The following LIN9 variants were observed in gnomAD, a reference collection of about 807,000 sequenced individuals.
LIN9 encodes the protein lin-9 DREAM MuvB core complex component, also known as protein lin-9 homolog.
LIN9 carries 18 observed loss-of-function variants against 78.0 expected under a neutral mutation model. The observed-to-expected ratio is 0.23, with a 90% CI of 0.16 to 0.34. The LOEUF is 0.34. Ranked by LOEUF, LIN9 falls within the 10% of genes least tolerant of loss-of-function variation. The pLI is 1.00. For missense variants in LIN9, 451 were observed against 644.1 expected, an observed-to-expected ratio of 0.70 and a Z score of 3.25; for synonymous variants, 192 against 215.2, an observed-to-expected ratio of 0.89 and a Z score of 0.94.
chr1:226,261,232 C>A (rs191496203), intron 10 of LIN9, among the ~76,000 whole-genome samples: 9 of 151,746 alleles, frequency 5.9e-5, no homozygotes, highest in African/African-American at 1.9e-4. Context: ...AGGAAGAAGG[C>A]AACAATGTCC....
chr1:226,287,852 T>C (rs1661470449), intron 4 of LIN9, 55 bp from the exon 5 acceptor site: 3 of 1,285,752 alleles, frequency 2.3e-6, no homozygotes, highest in South Asian at 1.4e-5. Context: ...AAAATGAACA[T>C]TTATAACCCT....
chr1:226,298,367 C>T (rs1662289680), intron 2 of LIN9, among the ~76,000 whole-genome samples: 1 of 152,134 alleles, frequency 6.6e-6, no homozygotes. Context: ...GCCACCACGC[C>T]TAGCTAATTT....
At chr1:226,289,385 G>A (rs972504750) in intron 4 of LIN9, among the ~76,000 whole-genome samples, 1 of 152,104 alleles carries the variant, frequency 6.6e-6, no homozygotes, top group African/African-American at 2.4e-5. Flanking sequence ...TTTTGAGACA[G>A]GGTCTCTCTC....
At chr1:226,285,718 T>A (rs1661348204) in intron 6 of LIN9, among the ~76,000 whole-genome samples, 1 of 152,172 alleles carries the variant, frequency 6.6e-6, no homozygotes, top group Admixed American at 6.5e-5. Flanking sequence ...TTAGATAGAT[T>A]AATTTGTTTT....
intron 11 of LIN9, among the ~76,000 whole-genome samples, chr1:226,239,726 T>C (rs973342570): frequency 3.9e-4 from 60 of 152,188 alleles, no homozygotes; most frequent in African/African-American, 1.3e-3. Context: ...ACATAGAAGA[T>C]GCTCAATGGA....
At chr1:226,292,615 G>A (rs1320052075) in intron 4 of LIN9, among the ~76,000 whole-genome samples, 1 of 151,730 alleles carries the variant, frequency 6.6e-6, no homozygotes, top group Non-Finnish European at 1.5e-5. Context: ...CACCATGCCT[G>A]GCTAATTTTT....
upstream of LIN9, chr1:226,309,175 C>G: frequency 7.1e-7 from 1 of 1,409,326 alleles, no homozygotes; most frequent in Non-Finnish European, 9.3e-7. Flanking sequence ...AAAGGCTGCC[C>G]GCCGCGGTGC....
chr1:226,252,922 C>A (rs1356526885), intron 10 of LIN9, among the ~76,000 whole-genome samples: 2 of 151,606 alleles, frequency 1.3e-5, no homozygotes, highest in African/African-American at 2.4e-5. Flanking sequence ...AGCAAAGTGG[C>A]GCCACTGAAC....
chr1:226,288,569 A>G (rs1661520468), intron 4 of LIN9, among the ~76,000 whole-genome samples: 2 of 152,368 alleles, frequency 1.3e-5, no homozygotes, highest in African/African-American at 4.8e-5. Flanking sequence ...TGAAATGGGT[A>G]AATACAAAGT....
intron 10 of LIN9, among the ~76,000 whole-genome samples, chr1:226,257,573 T>C (rs990992566): frequency 1.3e-5 from 2 of 152,136 alleles, no homozygotes; most frequent in Non-Finnish European, 2.9e-5. Flanking sequence ...CCCATGAAGC[T>C]GTACAGTGTT....
At chr1:226,296,174 G>A (rs1035510689) in intron 3 of LIN9, among the ~76,000 whole-genome samples, 1 of 152,210 alleles carries the variant, frequency 6.6e-6, no homozygotes, top group African/African-American at 2.4e-5. Context: ...CCTAGCTGAT[G>A]AATAAAGTAA....
intron 7 of LIN9, 25 bp downstream of exon 7, chr1:226,277,750 G>A: frequency 1.3e-6 from 2 of 1,592,820 alleles, no homozygotes; most frequent in African/African-American, 1.3e-5. Flanking sequence ...CAAGTCAAAA[G>A]AGTAATTAGC....
chr1:226,246,206 A>G (rs1044924313), intron 11 of LIN9, among the ~76,000 whole-genome samples: 1 of 152,162 alleles, frequency 6.6e-6, no homozygotes, highest in African/African-American at 2.4e-5. Flanking sequence ...ATTTCCTTTA[A>G]TGTAGGTATT....
intron 7 of LIN9, among the ~76,000 whole-genome samples, chr1:226,274,063 C>A (rs975482265): frequency 6.6e-6 from 1 of 151,884 alleles, no homozygotes; most frequent in Admixed American, 6.6e-5. Flanking sequence ...CAACTCCTGG[C>A]CTCAAGTGAT....
chr1:226,278,832 AAAAG>A (rs1335728725), intron 6 of LIN9, among the ~76,000 whole-genome samples: 1 of 138,978 alleles, frequency 7.2e-6, no homozygotes. Flanking sequence ...TCAAAAAAAA[AAAAG>A]AAAGGCCGGG....
chr1:226,294,323 G>A (rs933827246), intron 4 of LIN9, among the ~76,000 whole-genome samples: 1 of 150,668 alleles, frequency 6.6e-6, no homozygotes, highest in Non-Finnish European at 1.5e-5. Flanking sequence ...GCTCACGCCT[G>A]TAATCCCAGC....
At chr1:226,307,615 A>T (rs1229040467) in intron 1 of LIN9, among the ~76,000 whole-genome samples, 1 of 152,236 alleles carries the variant, frequency 6.6e-6, no homozygotes. Context: ...CAGCCTGGGC[A>T]ATGAGTGAAA....
intron 10 of LIN9, among the ~76,000 whole-genome samples, chr1:226,258,543 A>G (rs1181379684): frequency 6.6e-6 from 1 of 151,650 alleles, no homozygotes; most frequent in Non-Finnish European, 1.5e-5. Context: ...AGGAGCAGTT[A>G]TATCAATTTC....
rs1413833630 is a variant in LIN9, at chr1:226,233,148, G to T, written c.1471C>A (p.Leu491Ile). ...TTGATATCATTTAATGAGTCTGTAA[G>T]TGATTTGAATTCAAAGGAATTCAGG... ...GDLNSFEFKS[L>I]TDSLNDIKST... The change falls in exon 14 of 15, where the codon CTT becomes ATT. Residue 491 changes from leucine to isoleucine, a missense_variant. Physicochemically the swap from Leu to Ile is conservative, Grantham distance 5. Transcript: ENST00000681046. The T allele has an allele frequency of 6.2e-7, 1 of 1,607,970 alleles. No individual in the cohort carries two copies. The highest frequency in any genetic ancestry group is 8.5e-7 in the Non-Finnish European group (1 of 1,178,326).
Sources: gnomAD v4.1 joint callset for allele counts (sites outside exome capture counted in the v4.1 genomes callset) on GRCh38, gnomAD v4.1.1 for gene constraint, MANE v1.5 for transcripts, NCBI Gene and HGNC (gene_info 2026-07-23, HGNC 2026-07-21) for gene names.